SLC35A5: variants seen among roughly 807,000 people sequenced by gnomAD.
The protein encoded by SLC35A5 is UDP-sugar transporter protein SLC35A5.
A neutral mutation model predicts 36.3 loss-of-function variants in SLC35A5; 28 were observed. The ratio of observed to expected loss-of-function variants is 0.77; its 90% CI spans 0.57 to 1.06. The LOEUF is 1.06. Among genes scored for constraint, SLC35A5 ranks in the 50% least tolerant of loss-of-function variants. The pLI is 0.00. For synonymous variants in SLC35A5, 180 were observed against 173.7 expected (o/e 1.04, Z -0.29); for missense variants, 521 against 499.3 (o/e 1.04, Z -0.41).
Position 112,565,850 on chromosome 3 carries a change from A to G in SLC35A5, c.130+2317A>G, listed in dbSNP as rs976623935. Among the ~76,000 whole-genome samples the G allele has an allele frequency of 3.3e-4, 50 of 152,234 alleles. 1 individual carries two copies. ...GGCTGGAGAGAGGTTGGTAAGTCTCAGATTTTTAAGGACTTCATATTCCAT... is the reference window on the plus strand; with the variant it reads ...GGCTGGAGAGAGGTTGGTAAGTCTCGGATTTTTAAGGACTTCATATTCCAT... On this transcript the variant is annotated intron_variant, in intron 2 of 6. Coordinates refer to ENST00000492406, the MANE Select transcript of SLC35A5 (RefSeq NM_017945.5).
intron 5 of SLC35A5, among the ~76,000 whole-genome samples, chr3:112,580,103 G>C (rs1204773515): frequency 1.3e-5 from 2 of 148,688 alleles, no homozygotes; most frequent in Admixed American, 1.3e-4. Context: ...ATTTGACAAA[G>C]CTTTGCAGGA....
At chr3:112,563,721 G>A (rs1934059554) in intron 2 of SLC35A5, among the ~76,000 whole-genome samples, 188 bp downstream of exon 2, 1 of 152,260 alleles carries the variant, frequency 6.6e-6, no homozygotes, top group South Asian at 2.1e-4. Context: ...GATAATGGAT[G>A]AAATGTGAGT....
intron 2 of SLC35A5, among the ~76,000 whole-genome samples, chr3:112,564,518 G>A (rs1414242772): frequency 6.6e-6 from 1 of 152,120 alleles, no homozygotes; most frequent in South Asian, 2.1e-4. Context: ...GTTTTACTCC[G>A]AGACATTCCA....
chr3:112,566,140 A>T (rs1442671837), intron 2 of SLC35A5, among the ~76,000 whole-genome samples: 1 of 152,222 alleles, frequency 6.6e-6, no homozygotes, highest in Non-Finnish European at 1.5e-5. Flanking sequence ...ATTGAATATG[A>T]AAATTAAAAA....
chr3:112,582,975 G>T lies in SLC35A5; in HGVS notation c.*239G>T. On this transcript the variant is annotated 3_prime_UTR_variant, in exon 7 of 7. Transcript: ENST00000492406. ...AGAATTCATTAATATCTCAGTACTT[G>T]ATAAATCAGAAAGTTATATGTGCAG... The T allele has an allele frequency of 2.1e-6, 1 of 473,792 alleles. No homozygotes were observed. Among genetic ancestry groups the T allele is most frequent in the East Asian group, 3.2e-5 (1 of 31,402 alleles). 29.3% of individuals were successfully genotyped at this position (473,792 alleles called of 1,614,324 possible). A position where few individuals can be genotyped will look rare whatever the true frequency, so the allele number is the denominator to read the frequency against.
At chr3:112,568,527 C>T (rs1247314865) in intron 2 of SLC35A5, among the ~76,000 whole-genome samples, 1 of 152,190 alleles carries the variant, frequency 6.6e-6, no homozygotes, top group African/African-American at 2.4e-5. Context: ...TGTAGCTTTC[C>T]AACTCATCAG....
intron 4 of SLC35A5, among the ~76,000 whole-genome samples, chr3:112,571,612 C>A (rs1372729584): frequency 6.6e-6 from 1 of 152,144 alleles, no homozygotes. Context: ...GTTTAATGGA[C>A]GCACAGTTCC....
chr3:112,571,328 T>A (rs993693791), intron 4 of SLC35A5, among the ~76,000 whole-genome samples: 1 of 152,258 alleles, frequency 6.6e-6, no homozygotes, highest in African/African-American at 2.4e-5. Context: ...TGGGTCACAA[T>A]AGGTCACATG....
rs1418031236 is a variant in SLC35A5 at position 112,583,111 on chromosome 3, C to G, written c.*375C>G. 5.0e-6 allele frequency: 2 copies of G among 399,214 alleles called. No individual in the cohort carries two copies. The highest frequency in any genetic ancestry group is 1.2e-4 in the South Asian group (1 of 8,002). 24.7% of individuals were successfully genotyped at this position (399,214 alleles called of 1,614,324 possible). Reference sequence around the variant, plus strand: ...GCCAAATATTCACAATCATGTAGTTCTAGTTTACATGCCAAAGTCTTCCCT... The same window carrying G: ...GCCAAATATTCACAATCATGTAGTTGTAGTTTACATGCCAAAGTCTTCCCT... On this transcript the variant is annotated 3_prime_UTR_variant, in exon 7 of 7. Transcript: ENST00000492406.
At position 112,580,875 on chromosome 3, in the gene SLC35A5, TACTG is replaced by T. The variant is rs868721447; in HGVS notation, c.760_763del (p.Leu254ArgfsTer27). 6 of 1,614,170 alleles carry T rather than the reference TACTG, an allele frequency of 3.7e-6. No individual in the cohort carries two copies. Among genetic ancestry groups the T allele is most frequent in the East Asian group, 2.2e-5 (1 of 44,886 alleles). On this transcript the variant is annotated frameshift_variant, in exon 6 of 7. Transcript: ENST00000492406. LOFTEE classifies it high-confidence loss of function. ...ATGGCTAATATCTATAATGAAAAGA[TACTG>T]AAGGAAGGGAACCAGCTCACTGAAA...
chr3:112,561,371 G>A (rs2279532), upstream of SLC35A5: 1,224,635 of 1,418,552 alleles, frequency 0.86, 542,976 homozygotes, highest in Non-Finnish European at 0.92. Context: ...TTGCCCCGCC[G>A]GAGAAAGCGG....
chr3:112,581,096 C>T lies in SLC35A5; in HGVS notation c.979C>T (p.Leu327=). 1 of 1,613,974 alleles carries T rather than the reference C, an allele frequency of 6.2e-7. No individual in the cohort carries two copies. Among genetic ancestry groups the T allele is most frequent in the Non-Finnish European group, 8.5e-7 (1 of 1,179,950 alleles). Reference sequence around the variant, plus strand: ...TTCAGTGGCTTTCATTCTGAAGTTCCTGGATAACATGTTCCATGTCTTGAT... The same window carrying T: ...TTCAGTGGCTTTCATTCTGAAGTTCTTGGATAACATGTTCCATGTCTTGAT... ...GLSVAFILKF[L]DNMFHVLMAQ... Residue 327 remains leucine, a synonymous_variant, in exon 6 of 7, where the codon CTG becomes TTG. Transcript: ENST00000492406.
chr3:112,581,089 G>A lies in SLC35A5; in HGVS notation c.972G>A (p.Leu324=), dbSNP rs746158289. Residue 324 remains leucine, a synonymous_variant, in exon 6 of 7, where the codon CTG becomes CTA. Transcript: ENST00000492406. ...AGGGCCTTTCAGTGGCTTTCATTCT[G>A]AAGTTCCTGGATAACATGTTCCATG... ...AFQGLSVAFI[L]KFLDNMFHVL... 26 of 1,613,810 alleles carry A rather than the reference G, an allele frequency of 1.6e-5. No homozygotes were observed. The highest frequency in any genetic ancestry group is 2.7e-5 in the African/African-American group (2 of 74,850).
chr3:112,572,153 A>T (rs1368009739), intron 4 of SLC35A5, among the ~76,000 whole-genome samples: 6 of 149,746 alleles, frequency 4.0e-5, no homozygotes, highest in Admixed American at 2.0e-4. Context: ...CTTGTTAGCC[A>T]GGATGGTCTC....
At position 112,581,047 on chromosome 3, in the gene SLC35A5, T is replaced by G; in HGVS notation, c.930T>G (p.Ile310Met). The change falls in exon 6 of 7, where the codon ATT becomes ATG. Residue 310 changes from isoleucine to methionine, a missense_variant. Ile to Met is a conservative substitution (Grantham distance 10). Transcript: ENST00000492406. ...ACAGTGCATTTTCAGTAGCCCTTATTTTTGTAACTGCATTCCAGGGCCTTT... is the reference window on the plus strand; with the variant it reads ...ACAGTGCATTTTCAGTAGCCCTTATGTTTGTAACTGCATTCCAGGGCCTTT... ...YGHSAFSVALIFVTAFQGLSV... is the reference protein window; with the variant it reads ...YGHSAFSVALMFVTAFQGLSV... The G allele has an allele frequency of 1.2e-6, 2 of 1,614,100 alleles. No homozygotes were observed. Among genetic ancestry groups the G allele is most frequent in the Non-Finnish European group, 1.7e-6 (2 of 1,179,970 alleles).
intron 4 of SLC35A5, among the ~76,000 whole-genome samples, chr3:112,571,660 G>A (rs186819685): frequency 3.0e-4 from 46 of 152,314 alleles, no homozygotes; most frequent in East Asian, 2.1e-3. Context: ...GGCGGAAGGC[G>A]AAAGAGGAGC....
intron 2 of SLC35A5, among the ~76,000 whole-genome samples, chr3:112,567,566 A>G (rs1559856629): frequency 1.3e-5 from 2 of 152,294 alleles, no homozygotes; most frequent in South Asian, 4.1e-4. Context: ...CGGCCTCCCA[A>G]AGTGCTGGGA....
intron 6 of SLC35A5, among the ~76,000 whole-genome samples, chr3:112,582,281 A>G (rs1205830775): frequency 6.6e-6 from 1 of 152,174 alleles, no homozygotes; most frequent in African/African-American, 2.4e-5. Flanking sequence ...GCTCTTAGCC[A>G]GAGTGTATAT....
At chr3:112,570,273 A>G (rs1048920914) in intron 3 of SLC35A5, among the ~76,000 whole-genome samples, 1 of 151,796 alleles carries the variant, frequency 6.6e-6, no homozygotes, top group Non-Finnish European at 1.5e-5. Context: ...CTCTTACAGC[A>G]GCAAGAGAAA....
Sources: allele counts gnomAD v4.1 joint callset (sites outside exome capture counted in the v4.1 genomes callset), GRCh38; gene constraint gnomAD v4.1.1; transcripts MANE v1.5; gene names NCBI Gene and HGNC (gene_info 2026-07-23, HGNC 2026-07-21).